The following ITPR1 variants were observed in gnomAD, a reference collection of about 807,000 sequenced individuals.
ITPR1 encodes inositol 1,4,5-trisphosphate-gated calcium channel ITPR1.
Under a neutral mutation model 318.4 loss-of-function variants are expected in ITPR1, and 96 were observed. That is an observed-to-expected ratio of 0.30 (90% confidence interval 0.26 to 0.36). The LOEUF (loss-of-function observed/expected upper bound fraction) is 0.36, where lower values mean the gene tolerates loss of function less well. Ranked by LOEUF, ITPR1 falls within the 10% of genes least tolerant of loss-of-function variation. The pLI, the probability that ITPR1 is intolerant of heterozygous loss-of-function variation, is 1.00. For synonymous variants in ITPR1, 1,312 were observed against 1,289.9 expected (o/e 1.02, Z -0.37); for missense variants, 2,440 against 3,460.2 (o/e 0.71, Z 7.40).
intron 40 of ITPR1, among the ~76,000 whole-genome samples, chr3:4,723,731 C>T (rs919398899): frequency 3.3e-5 from 5 of 151,512 alleles, no homozygotes; most frequent in Admixed American, 1.3e-4. Flanking sequence ...AGGGTAGCTC[C>T]GTGCATTCCT....
chr3:4,540,596 G>A (rs1575464564), intron 4 of ITPR1, among the ~76,000 whole-genome samples: 2 of 152,088 alleles, frequency 1.3e-5, no homozygotes, highest in South Asian at 4.1e-4. Flanking sequence ...GTGTGCACGT[G>A]TGTGTGTTTG....
chr3:4,801,043 G>C (rs2048196866), intron 54 of ITPR1, among the ~76,000 whole-genome samples: 1 of 152,206 alleles, frequency 6.6e-6, no homozygotes, highest in African/African-American at 2.4e-5. Flanking sequence ...CAGAGACAGG[G>C]CAGGTGGAGA....
chr3:4,548,732 A>C (rs2085270445), intron 4 of ITPR1, among the ~76,000 whole-genome samples: 1 of 152,156 alleles, frequency 6.6e-6, no homozygotes. Flanking sequence ...CTAAATTGAA[A>C]AGCCACTAGC....
At chr3:4,647,051 G>C (rs375120364) in intron 10 of ITPR1, among the ~76,000 whole-genome samples, 3 of 152,030 alleles carry the variant, frequency 2.0e-5, no homozygotes, top group Non-Finnish European at 2.9e-5. Flanking sequence ...CACCCAGAAG[G>C]TCCCTTGAGC....
At chr3:4,524,479 C>T (rs540375031) in intron 4 of ITPR1, among the ~76,000 whole-genome samples, 25 of 152,182 alleles carry the variant, frequency 1.6e-4, no homozygotes, top group Admixed American at 1.1e-3. Flanking sequence ...CTCATGGACT[C>T]GTTGCACCCT....
At chr3:4,824,108 G>A (rs1290445141) in intron 60 of ITPR1, among the ~76,000 whole-genome samples, 1 of 152,150 alleles carries the variant, frequency 6.6e-6, no homozygotes, top group Admixed American at 6.5e-5. Flanking sequence ...GTCGACTAAC[G>A]TGGACAGTGA....
At chr3:4,837,699 T>G (rs2051028140) in intron 61 of ITPR1, among the ~76,000 whole-genome samples, 1 of 152,076 alleles carries the variant, frequency 6.6e-6, no homozygotes, top group South Asian at 2.1e-4. Context: ...GTGCGTACTC[T>G]GTTTCTGCCC....
At chr3:4,740,632 GGTGGT>G (rs945333869) in intron 44 of ITPR1, among the ~76,000 whole-genome samples, 36 of 152,258 alleles carry the variant, frequency 2.4e-4, no homozygotes, top group African/African-American at 8.7e-4. Flanking sequence ...GACTCCCAGG[GGTGGT>G]GTCCCCAGGT....
intron 42 of ITPR1, among the ~76,000 whole-genome samples, chr3:4,730,216 TA>T (rs538473209): frequency 0.018 from 2,130 of 116,906 alleles, 105 homozygotes; most frequent in African/African-American, 0.06. Context: ...ATCTCATCTT[TA>T]AAAAAAAAAA....
In ITPR1 at chr3:4,795,132, C is replaced by T. The variant is rs373926844; in HGVS notation, c.6876C>T (p.Ala2292=). The T allele has an allele frequency of 1.6e-4, 253 of 1,613,676 alleles. No homozygotes were observed. The highest frequency in any genetic ancestry group is 2.0e-4 in the Non-Finnish European group (240 of 1,179,828). The part of the protein sequence containing the change: ...SFWSSISFNL[A]VLMNLLVAFF... ...GGAGCAGCATTTCGTTTAACCTGGCCGTCCTGATGAACCTGCTGGTGGCGT... is the reference window on the plus strand; with the variant it reads ...GGAGCAGCATTTCGTTTAACCTGGCTGTCCTGATGAACCTGCTGGTGGCGT... Residue 2292 remains alanine (A), a synonymous_variant, in exon 53 of 62, where the codon GCC becomes GCT. Transcript: ENST00000649015.
At position 4,710,957 on chromosome 3, in the gene ITPR1, A is replaced by G. The variant is rs1236109900; in HGVS notation, c.4991+484A>G. ...CCGGACACGGTGGCTCATGCCTGTA[A>G]TCCCAGCACTTTGGGAGGCCGGGGC... On this transcript the variant is annotated intron_variant, in intron 38 of 61. Transcript: ENST00000649015. This position sits in a 1 kb window ranked among gnomAD's most constrained non-coding sequence, Gnocchi z 4.2. Among the ~76,000 whole-genome samples the G allele has an allele frequency of 6.6e-6, 1 of 152,148 alleles. No homozygotes were observed. Among genetic ancestry groups the G allele is most frequent in the African/African-American group, 2.4e-5 (1 of 41,428 alleles).
intron 4 of ITPR1, among the ~76,000 whole-genome samples, chr3:4,582,561 C>G (rs1164042849): frequency 1.3e-5 from 2 of 151,916 alleles, no homozygotes; most frequent in African/African-American, 4.8e-5. Flanking sequence ...ACTTCAAGGA[C>G]AAAAAAAGAT....
At position 4,685,222 on chromosome 3, in the gene ITPR1, T is replaced by A. The variant is rs926391950; in HGVS notation, c.3702+16T>A. ...CTATGAGAAGGTGAGCGGTGCCTCATGCACAGCAGCTGCTCTCAGGATGGG... is the reference window on the plus strand; with the variant it reads ...CTATGAGAAGGTGAGCGGTGCCTCAAGCACAGCAGCTGCTCTCAGGATGGG... On this transcript the variant is annotated intron_variant, in intron 30 of 61. Transcript: ENST00000649015. The A allele has an allele frequency of 6.3e-7, 1 of 1,587,764 alleles. No homozygotes were observed. Among genetic ancestry groups the A allele is most frequent in the Non-Finnish European group, 8.5e-7 (1 of 1,170,374 alleles).
At chr3:4,740,640 C>T (rs2043632908) in intron 44 of ITPR1, among the ~76,000 whole-genome samples, 1 of 152,140 alleles carries the variant, frequency 6.6e-6, no homozygotes, top group African/African-American at 2.4e-5. Context: ...GGGGTGGTGT[C>T]CCCAGGTCTC....
chr3:4,716,205 T>G (rs1420125505), intron 39 of ITPR1, among the ~76,000 whole-genome samples: 4 of 152,184 alleles, frequency 2.6e-5, no homozygotes, highest in African/African-American at 9.7e-5. Context: ...AAACCATGTC[T>G]GTGTTGAAAA....
intron 4 of ITPR1, among the ~76,000 whole-genome samples, chr3:4,556,921 G>A (rs71313827): frequency 0.016 from 2,497 of 152,268 alleles, 33 homozygotes; most frequent in Admixed American, 0.028. Context: ...TCAGTGACTA[G>A]CCTTTACTTA....
chr3:4,512,478 A>G (rs1448581559), intron 2 of ITPR1, among the ~76,000 whole-genome samples: 3 of 152,118 alleles, frequency 2.0e-5, no homozygotes, highest in Non-Finnish European at 4.4e-5. Flanking sequence ...GTAATTCGCT[A>G]TTGTTCACCT....
At chr3:4,559,933 G>A (rs1245565593) in intron 4 of ITPR1, among the ~76,000 whole-genome samples, 2 of 152,160 alleles carry the variant, frequency 1.3e-5, no homozygotes, top group Non-Finnish European at 2.9e-5. Context: ...GCGGCGTTAT[G>A]TACTGGTTCA....
At chr3:4,748,864 G>C (rs1038515982) in intron 44 of ITPR1, among the ~76,000 whole-genome samples, 1 of 152,170 alleles carries the variant, frequency 6.6e-6, no homozygotes, top group African/African-American at 2.4e-5. Context: ...TTTGTTACCT[G>C]GCAACATTGC....
Sources: gnomAD v4.1 joint callset for allele counts (sites outside exome capture counted in the v4.1 genomes callset) on GRCh38, gnomAD v4.1.1 for gene constraint, Gnocchi (gnomAD v3.1) non-coding constraint, MANE v1.5 for transcripts, NCBI Gene and HGNC (gene_info 2026-07-23, HGNC 2026-07-21) for gene names.